The following CEP112 variants were observed in gnomAD, a reference collection of about 807,000 sequenced individuals.
CEP112 encodes the protein centrosomal protein 112.
Under a neutral mutation model 153.0 loss-of-function variants are expected in CEP112, and 127 were observed. The observed-to-expected ratio is 0.83, with a 90% CI of 0.72 to 0.96. The LOEUF (loss-of-function observed/expected upper bound fraction) is 0.96. Ranked by LOEUF, CEP112 falls within the 40% of genes least tolerant of loss-of-function variation. The probability of loss-of-function intolerance (pLI) is 0.00; values close to 1 mark genes in which losing one functional copy is unlikely to be tolerated. For missense variants in CEP112, 1,089 were observed against 1,101.2 expected, an observed-to-expected ratio of 0.99 and a Z score of 0.16; for synonymous variants, 358 against 374.4, an observed-to-expected ratio of 0.96 and a Z score of 0.51.
At chr17:66,006,156 T>G (rs2064265393) in intron 16 of CEP112, among the ~76,000 whole-genome samples, 1 of 152,148 alleles carries the variant, frequency 6.6e-6, no homozygotes, top group South Asian at 2.1e-4. Flanking sequence ...GATGAAATGG[T>G]CTTCTCTTCC....
At chr17:66,188,171 A>G (rs1446448823) in intron 1 of CEP112, among the ~76,000 whole-genome samples, 1 of 151,948 alleles carries the variant, frequency 6.6e-6, no homozygotes, top group African/African-American at 2.4e-5. Flanking sequence ...AGCTAAGCCT[A>G]TAGCTTCCTG....
rs182689696 is a variant in CEP112, at chr17:65,678,693, C to T, written c.2697+10436G>A. Among the ~76,000 whole-genome samples the T allele has an allele frequency of 5.3e-5, 8 of 152,174 alleles. No individual in the cohort carries two copies. In the East Asian group the frequency reaches 9.7e-4, roughly 18 times the overall value. On this transcript the variant is annotated intron_variant, in intron 24 of 26. Transcript: ENST00000535342. The stretch of plus-strand genomic sequence containing the variant: ...CATCCGTCAGTATTCATTGCAGGGA[C>T]GAAGAGCCACTTCAACAATGTAGAA...
intron 20 of CEP112, among the ~76,000 whole-genome samples, chr17:65,881,275 C>T (rs890918379): frequency 6.6e-6 from 1 of 152,114 alleles, no homozygotes; most frequent in African/African-American, 2.4e-5. Context: ...AAGTCAAACG[C>T]TCTCTGGAAC....
Position 66,188,958 on chromosome 17 carries a change from G to C in CEP112, c.-9+3039C>G, listed in dbSNP as rs189951604. ...TGCCCACGTACTCAAACATTTGCCT[G>C]AGAACATCTATAGCTAAAGCAAAAT... On this transcript the variant is annotated intron_variant, in intron 1 of 26. Coordinates refer to ENST00000535342, the MANE Select transcript of CEP112 (RefSeq NM_001199165.4). Among the ~76,000 whole-genome samples, 539 of 152,252 alleles carry C rather than the reference G, an allele frequency of 3.5e-3. 2 individuals are homozygous for C. The highest frequency in any genetic ancestry group is 6.2e-3 in the South Asian group (30 of 4,818).
At chr17:65,836,843 C>A (rs1226714743) in intron 21 of CEP112, among the ~76,000 whole-genome samples, 2 of 150,802 alleles carry the variant, frequency 1.3e-5, no homozygotes, top group Non-Finnish European at 3.0e-5. Flanking sequence ...CCCTCCCCCT[C>A]TGATGCCCAG....
chr17:66,151,829 A>G (rs183021232), intron 4 of CEP112, among the ~76,000 whole-genome samples: 15 of 152,294 alleles, frequency 9.8e-5, no homozygotes, highest in Non-Finnish European at 2.1e-4. Flanking sequence ...CCCAGTCAAT[A>G]CTTTGTTTGC....
At chr17:66,188,928 T>C (rs917321642) in intron 1 of CEP112, among the ~76,000 whole-genome samples, 1 of 152,194 alleles carries the variant, frequency 6.6e-6, no homozygotes, top group Non-Finnish European at 1.5e-5. Flanking sequence ...TTAAAGACTA[T>C]ATACTGCCCA....
At chr17:65,883,287 GTA>G (rs550926522) in intron 20 of CEP112, among the ~76,000 whole-genome samples, 4 of 147,978 alleles carry the variant, frequency 2.7e-5, no homozygotes, top group African/African-American at 5.1e-5. Flanking sequence ...TATATGAAGT[GTA>G]TATATATATA....
chr17:66,046,228 G>C (rs1200735771), intron 12 of CEP112, among the ~76,000 whole-genome samples: 2 of 152,080 alleles, frequency 1.3e-5, no homozygotes, highest in African/African-American at 4.8e-5. Flanking sequence ...ATTTTTAGTA[G>C]AGATGGGGTT....
chr17:66,024,284 T>C (rs2065112842), intron 16 of CEP112, among the ~76,000 whole-genome samples: 1 of 152,022 alleles, frequency 6.6e-6, no homozygotes, highest in African/African-American at 2.4e-5. Context: ...ACTTTCACCA[T>C]GCCTATTCAA....
chr17:65,719,680 G>A (rs1426790617), intron 23 of CEP112, among the ~76,000 whole-genome samples: 3 of 152,218 alleles, frequency 2.0e-5, no homozygotes, highest in African/African-American at 7.2e-5. Context: ...TGTAGGAAGA[G>A]TAGGAGTTGG....
chr17:65,838,714 T>C (rs968531610), intron 21 of CEP112, among the ~76,000 whole-genome samples: 2 of 151,952 alleles, frequency 1.3e-5, no homozygotes, highest in Non-Finnish European at 2.9e-5. Flanking sequence ...AAAAAGTTGT[T>C]TTTAAAAAAG....
At chr17:66,064,205 G>A (rs192736458) in intron 10 of CEP112, among the ~76,000 whole-genome samples, 26 of 152,194 alleles carry the variant, frequency 1.7e-4, no homozygotes, top group African/African-American at 5.5e-4. Context: ...TTTATCCACA[G>A]GGCATAACAG....
chr17:66,167,860 T>G (rs938657059), intron 4 of CEP112, among the ~76,000 whole-genome samples: 1 of 152,176 alleles, frequency 6.6e-6, no homozygotes, highest in African/African-American at 2.4e-5. Flanking sequence ...ATCTGATGAC[T>G]TGGAAAAGAT....
chr17:66,048,753 G>A (rs2066319324), intron 12 of CEP112, among the ~76,000 whole-genome samples: 1 of 152,056 alleles, frequency 6.6e-6, no homozygotes, highest in Non-Finnish European at 1.5e-5. Flanking sequence ...GGGATTACAG[G>A]TACGCATCAC....
At chr17:65,914,848 C>CGGCT (rs1372611522) in intron 19 of CEP112, among the ~76,000 whole-genome samples, 1 of 152,170 alleles carries the variant, frequency 6.6e-6, no homozygotes, top group Non-Finnish European at 1.5e-5. Flanking sequence ...TTCCTCAAAA[C>CGGCT]GGCTGCTCAC....
chr17:65,800,679 C>G (rs181635761), intron 21 of CEP112, among the ~76,000 whole-genome samples: 5 of 152,260 alleles, frequency 3.3e-5, no homozygotes, highest in Non-Finnish European at 7.4e-5. Flanking sequence ...TTTGAGAAAC[C>G]ATCAAACTGT....
chr17:66,042,229 A>G (rs1218499578), intron 12 of CEP112, among the ~76,000 whole-genome samples: 1 of 152,168 alleles, frequency 6.6e-6, no homozygotes, highest in African/African-American at 2.4e-5. Context: ...ACACACCTGT[A>G]ATCCTAGCTA....
chr17:65,854,684 A>G (rs769725358), intron 20 of CEP112, among the ~76,000 whole-genome samples: 2 of 152,202 alleles, frequency 1.3e-5, no homozygotes, highest in African/African-American at 4.8e-5. Flanking sequence ...TGGAAAAATT[A>G]GTTATTTTTT....
Sources: allele counts gnomAD v4.1 joint callset (sites outside exome capture counted in the v4.1 genomes callset), GRCh38; gene constraint gnomAD v4.1.1; transcripts MANE v1.5; gene names NCBI Gene and HGNC (gene_info 2026-07-23, HGNC 2026-07-21).